ADAMTS14: variants seen among roughly 807,000 people sequenced by gnomAD.
ADAMTS14 encodes ADAM metallopeptidase with thrombospondin type 1 motif 14, also known as A disintegrin and metalloproteinase with thrombospondin motifs 14.
ADAMTS14 carries 100 observed loss-of-function variants against 128.6 expected under a neutral mutation model. That is an observed-to-expected ratio of 0.78 (90% CI 0.66 to 0.92). ADAMTS14 has a LOEUF of 0.92. Among genes scored for constraint, ADAMTS14 ranks in the 40% least tolerant of loss-of-function variants. The pLI is 0.00. For synonymous variants in ADAMTS14, 665 were observed against 653.8 expected, an observed-to-expected ratio of 1.02 and a Z score of -0.26; for missense variants, 1,562 against 1,658.6, an observed-to-expected ratio of 0.94 and a Z score of 1.01.
chr10:70,693,682 C>T (rs1433877685), intron 2 of ADAMTS14, among the ~76,000 whole-genome samples: 1 of 152,232 alleles, frequency 6.6e-6, no homozygotes, highest in African/African-American at 2.4e-5. Flanking sequence ...TTACCCACCA[C>T]ATTGCTTCTC....
At chr10:70,748,267 C>T (rs917272551) in intron 15 of ADAMTS14, among the ~76,000 whole-genome samples, 1 of 152,112 alleles carries the variant, frequency 6.6e-6, no homozygotes, top group Non-Finnish European at 1.5e-5. Flanking sequence ...GGTGGTCCAC[C>T]CCCAACGGTC....
chr10:70,687,258 C>T (rs77754078), intron 2 of ADAMTS14, among the ~76,000 whole-genome samples: 447 of 78,882 alleles, frequency 5.7e-3, no homozygotes, highest in Admixed American at 8.9e-3. Flanking sequence ...ACCTCCCTCC[C>T]GGACGAGGCG....
intron 4 of ADAMTS14, among the ~76,000 whole-genome samples, chr10:70,719,396 AC>A (rs1841175028): frequency 1.3e-5 from 2 of 150,768 alleles, no homozygotes; most frequent in South Asian, 4.2e-4. Flanking sequence ...ACACACACAC[AC>A]ACACACACAC....
chr10:70,742,352 G>T (rs556302115), intron 12 of ADAMTS14, among the ~76,000 whole-genome samples: 1 of 151,924 alleles, frequency 6.6e-6, no homozygotes, highest in Non-Finnish European at 1.5e-5. Flanking sequence ...GGAGGTTGTG[G>T]CTTCCGTTGC....
At chr10:70,677,151 T>TGAAG (rs1479184218) in intron 2 of ADAMTS14, among the ~76,000 whole-genome samples, 32 of 152,202 alleles carry the variant, frequency 2.1e-4, no homozygotes, top group South Asian at 6.2e-4. Context: ...GGGAGGGCCC[T>TGAAG]GAAGGACCCT....
At chr10:70,750,883 A>G (rs1842329765) in intron 16 of ADAMTS14, among the ~76,000 whole-genome samples, 1 of 152,222 alleles carries the variant, frequency 6.6e-6, no homozygotes, top group Non-Finnish European at 1.5e-5. Context: ...TAAGAGCTTA[A>G]ACCATACAAC....
In ADAMTS14 at chr10:70,723,387, T is replaced by C. The variant is rs1841331324; in HGVS notation, c.871-5907T>C. On this transcript the variant is annotated intron_variant, in intron 4 of 21. Coordinates refer to ENST00000373207, the MANE Select transcript of ADAMTS14 (RefSeq NM_080722.4). ...AGAAATCTGAATAAAATGTAGACTT[T>C]AGTTAATAACAGCATGTCAGTATTG... Among the ~76,000 whole-genome samples, 5 of 152,222 alleles carry C rather than the reference T, an allele frequency of 3.3e-5. No individual in the cohort carries two copies. The South Asian group carries it at 8.3e-4, about 25-fold the overall frequency.
At chr10:70,705,891 C>A (rs1840650160) in intron 3 of ADAMTS14, among the ~76,000 whole-genome samples, 1 of 152,242 alleles carries the variant, frequency 6.6e-6, no homozygotes, top group Non-Finnish European at 1.5e-5. Flanking sequence ...TGTGAACATT[C>A]ATGTGCAAGA....
chr10:70,727,394 G>T (rs958404252), intron 4 of ADAMTS14, among the ~76,000 whole-genome samples: 2 of 152,224 alleles, frequency 1.3e-5, no homozygotes, highest in Non-Finnish European at 2.9e-5. Context: ...GAGTGGAAAA[G>T]AATTGATGGC....
chr10:70,755,893 T>C (rs958350397), intron 19 of ADAMTS14, among the ~76,000 whole-genome samples: 13 of 152,188 alleles, frequency 8.5e-5, no homozygotes, highest in Non-Finnish European at 1.8e-4. Flanking sequence ...TTATGTTATA[T>C]AGATATTACC....
At chr10:70,753,610 A>G (rs963274980) in intron 18 of ADAMTS14, among the ~76,000 whole-genome samples, 190 bp from the exon 19 acceptor site, 1 of 152,186 alleles carries the variant, frequency 6.6e-6, no homozygotes, top group Non-Finnish European at 1.5e-5. Flanking sequence ...AGCAGGAGAG[A>G]AGAGTGCCCT....
chr10:70,734,558 C>T (rs542207947), intron 8 of ADAMTS14, among the ~76,000 whole-genome samples: 28 of 152,200 alleles, frequency 1.8e-4, no homozygotes, highest in Non-Finnish European at 3.5e-4. Flanking sequence ...CTCCTCTCCC[C>T]ACTCCCATCC....
At chr10:70,730,754 C>T (rs549484106) in intron 6 of ADAMTS14, among the ~76,000 whole-genome samples, 1 of 152,270 alleles carries the variant, frequency 6.6e-6, no homozygotes, top group African/African-American at 2.4e-5. Flanking sequence ...TTGCCTTCCC[C>T]CATTCCAGGG....
intron 19 of ADAMTS14, among the ~76,000 whole-genome samples, chr10:70,755,571 G>A (rs1211495202): frequency 5.9e-5 from 9 of 152,214 alleles, no homozygotes; most frequent in African/African-American, 1.7e-4. Flanking sequence ...TGGGCTGGGC[G>A]CGGTGGCTCA....
intron 4 of ADAMTS14, among the ~76,000 whole-genome samples, chr10:70,720,232 G>T (rs1841212200): frequency 6.6e-6 from 1 of 152,214 alleles, no homozygotes; most frequent in Non-Finnish European, 1.5e-5. Flanking sequence ...ACCCACACCA[G>T]CCCTTTAAAA....
chr10:70,750,507 T>A (rs2688772), intron 16 of ADAMTS14, among the ~76,000 whole-genome samples: 1 of 152,136 alleles, frequency 6.6e-6, no homozygotes, highest in African/African-American at 2.4e-5. Flanking sequence ...ACGAGACCAT[T>A]AGGAGTTCTG....
In ADAMTS14 at chr10:70,751,612, G is replaced by A. The variant is rs751202614; in HGVS notation, c.2562G>A (p.Lys854=). Residue 854 remains lysine (K), a synonymous_variant, in exon 17 of 22, where the codon AAG becomes AAA. Transcript: ENST00000373207. ...TGGACACCTATGAGTGGGCGCTCAA[G>A]AGCTGGGCCCCCTGCAGCAAGGCCT... ...EEMDTYEWAL[K]SWAPCSKACG... 6.2e-7 allele frequency: 1 copy of A among 1,612,432 alleles called. No individual in the cohort carries two copies.
chr10:70,755,248 A>G (rs1227729768), intron 19 of ADAMTS14, among the ~76,000 whole-genome samples: 1 of 151,154 alleles, frequency 6.6e-6, no homozygotes, highest in Non-Finnish European at 1.5e-5. Context: ...TCAAGGCTCC[A>G]GTGAGCTATG....
intron 4 of ADAMTS14, among the ~76,000 whole-genome samples, chr10:70,714,670 C>T (rs1009552769): frequency 6.6e-6 from 1 of 152,020 alleles, no homozygotes; most frequent in Non-Finnish European, 1.5e-5. Flanking sequence ...GGGGTTTGGC[C>T]AGGTACAGTG....
Sources: gnomAD v4.1 joint callset for allele counts (sites outside exome capture counted in the v4.1 genomes callset) on GRCh38, gnomAD v4.1.1 for gene constraint, MANE v1.5 for transcripts, NCBI Gene and HGNC (gene_info 2026-07-23, HGNC 2026-07-21) for gene names.